The following ULK4 variants were observed in gnomAD, a reference collection of about 807,000 sequenced individuals.
ULK4 encodes inactive serine/threonine-protein kinase ULK4.
Under a neutral mutation model 160.6 loss-of-function variants are expected in ULK4, and 133 were observed. The ratio of observed to expected loss-of-function variants is 0.83; its 90% CI spans 0.72 to 0.96. ULK4 has a LOEUF of 0.96. Among genes scored for constraint, ULK4 ranks in the 40% least tolerant of loss-of-function variants. The pLI is 0.00. For missense variants in ULK4, 1,580 were observed against 1,499.5 expected, an observed-to-expected ratio of 1.05 and a Z score of -0.89; for synonymous variants, 534 against 539.8, an observed-to-expected ratio of 0.99 and a Z score of 0.15.
chr3:41,694,724 T>C (rs1443299938), intron 27 of ULK4, among the ~76,000 whole-genome samples: 1 of 152,264 alleles, frequency 6.6e-6, no homozygotes. Context: ...TAATATCTAA[T>C]GCAATGTAAG....
chr3:41,823,069 TGA>T (rs2041202477), intron 18 of ULK4, among the ~76,000 whole-genome samples: 1 of 149,960 alleles, frequency 6.7e-6, no homozygotes, highest in South Asian at 2.1e-4. Flanking sequence ...GTCAAGATAA[TGA>T]TGAGTGCTAT....
chr3:41,613,328 G>T lies in ULK4; in HGVS notation c.3120+2341C>A, dbSNP rs564279103. Among the ~76,000 whole-genome samples the T allele has an allele frequency of 2.0e-5, 3 of 152,064 alleles. No individual in the cohort carries two copies. The East Asian group carries it at 5.8e-4, about 29-fold the overall frequency. Reference sequence around the variant, plus strand: ...TTAGAATTTTTATCTTCTTTTTATTGAAAGAGCTCTTTTAGACTTATTCAG... The same window carrying T: ...TTAGAATTTTTATCTTCTTTTTATTTAAAGAGCTCTTTTAGACTTATTCAG... On this transcript the variant is annotated intron_variant, in intron 31 of 36. Coordinates refer to ENST00000301831, the MANE Select transcript of ULK4 (RefSeq NM_017886.4).
Position 41,602,649 on chromosome 3 carries a change from C to T in ULK4, c.3120+13020G>A, listed in dbSNP as rs562280032. 2.2e-4 allele frequency among the ~76,000 whole-genome samples: 34 copies of T among 152,132 alleles called. 1 individual carries two copies. In the East Asian group the frequency reaches 6.4e-3, roughly 28 times the overall value. ...TTATATAAAAATTTTTAATAGCAGTCCAAGGACTATAATCTCCTAAAAATG... is the reference window on the plus strand; with the variant it reads ...TTATATAAAAATTTTTAATAGCAGTTCAAGGACTATAATCTCCTAAAAATG... On this transcript the variant is annotated intron_variant, in intron 31 of 36. Coordinates refer to ENST00000301831, the MANE Select transcript of ULK4 (RefSeq NM_017886.4).
chr3:41,645,307 C>A (rs1329746621), intron 30 of ULK4, among the ~76,000 whole-genome samples: 1 of 151,616 alleles, frequency 6.6e-6, no homozygotes, highest in Non-Finnish European at 1.5e-5. Context: ...TTGGATCTTT[C>A]CTGCTTTCTC....
intron 35 of ULK4, among the ~76,000 whole-genome samples, chr3:41,326,162 G>A (rs974723582): frequency 2.0e-5 from 3 of 152,124 alleles, no homozygotes; most frequent in African/African-American, 7.2e-5. Flanking sequence ...AGAACAGACT[G>A]CTCTGATCTT....
At chr3:41,625,148 G>A (rs2033439645) in intron 30 of ULK4, among the ~76,000 whole-genome samples, 2 of 152,064 alleles carry the variant, frequency 1.3e-5, no homozygotes, top group South Asian at 2.1e-4. Flanking sequence ...TAGTTTACTG[G>A]GTATTGACTA....
chr3:41,811,328 T>A (rs1489176563), intron 19 of ULK4, among the ~76,000 whole-genome samples: 1 of 152,146 alleles, frequency 6.6e-6, no homozygotes, highest in African/African-American at 2.4e-5. Flanking sequence ...GGACTATAGG[T>A]GTACACCCAG....
chr3:41,659,284 C>G lies in ULK4; in HGVS notation c.3071+4323G>C, dbSNP rs980534619. On this transcript the variant is annotated intron_variant, in intron 30 of 36. Coordinates refer to ENST00000301831, the MANE Select transcript of ULK4 (RefSeq NM_017886.4). ...CTGCATAGGAATATTCATGGCTGCA[C>G]TATTCATGACAGCAAAAATACGGAA... 2.0e-5 allele frequency among the ~76,000 whole-genome samples: 3 copies of G among 152,276 alleles called. No individual in the cohort carries two copies. In the South Asian group the frequency reaches 6.2e-4, roughly 32 times the overall value.
chr3:41,952,903 G>C (rs908021914), intron 2 of ULK4, among the ~76,000 whole-genome samples: 43 of 152,228 alleles, frequency 2.8e-4, no homozygotes, highest in African/African-American at 1.0e-3. Context: ...TCTAACACAT[G>C]CTACAACGTG....
chr3:41,723,635 C>A (rs1033748957), intron 22 of ULK4, among the ~76,000 whole-genome samples: 1 of 152,214 alleles, frequency 6.6e-6, no homozygotes, highest in Non-Finnish European at 1.5e-5. Context: ...ACATTACCTC[C>A]TCTGGCCAAT....
intron 29 of ULK4, among the ~76,000 whole-genome samples, chr3:41,671,968 A>G (rs1437474268): frequency 6.6e-6 from 1 of 152,190 alleles, no homozygotes; most frequent in East Asian, 1.9e-4. Flanking sequence ...CAACGGGTAC[A>G]TGAAAAAATG....
intron 9 of ULK4, among the ~76,000 whole-genome samples, 189 bp from the exon 10 acceptor site, chr3:41,911,848 T>C (rs1698798451): frequency 6.6e-6 from 1 of 152,188 alleles, no homozygotes; most frequent in Non-Finnish European, 1.5e-5. Context: ...TACGTCACTG[T>C]AGTCCCTCAA....
At chr3:41,680,484 T>C (rs553059898) in intron 29 of ULK4, among the ~76,000 whole-genome samples, 3 of 152,052 alleles carry the variant, frequency 2.0e-5, no homozygotes, top group African/African-American at 7.2e-5. Context: ...AAAAGGTACC[T>C]TCCTCAACCA....
At chr3:41,520,980 T>C (rs1036679702) in intron 32 of ULK4, among the ~76,000 whole-genome samples, 1 of 152,202 alleles carries the variant, frequency 6.6e-6, no homozygotes, top group East Asian at 1.9e-4. Context: ...AGATATGTGA[T>C]TTGCAAATAT....
At chr3:41,395,929 T>C (rs1451374399) in intron 35 of ULK4, among the ~76,000 whole-genome samples, 2 of 152,142 alleles carry the variant, frequency 1.3e-5, no homozygotes, top group Non-Finnish European at 2.9e-5. Context: ...AGGTCAGATA[T>C]TATAAAGAAG....
chr3:41,419,648 C>T (rs2082614230), intron 34 of ULK4, among the ~76,000 whole-genome samples: 1 of 152,206 alleles, frequency 6.6e-6, no homozygotes, highest in South Asian at 2.1e-4. Flanking sequence ...AAACTCAGGA[C>T]TGCTTTACTC....
chr3:41,508,988 G>C (rs1227959245), intron 32 of ULK4, among the ~76,000 whole-genome samples: 3 of 152,048 alleles, frequency 2.0e-5, no homozygotes, highest in African/African-American at 7.2e-5. Flanking sequence ...TGAATTGCCA[G>C]AAAAAGAACT....
chr3:41,806,657 C>T (rs1011828481), intron 19 of ULK4, among the ~76,000 whole-genome samples: 1 of 152,072 alleles, frequency 6.6e-6, no homozygotes, highest in Admixed American at 6.6e-5. Flanking sequence ...CTGCTTTGAA[C>T]ATGTCCCAGA....
rs73831309 is a variant in ULK4 at position 41,321,355 on chromosome 3, C to A, written c.3679-71781G>T. 5.4e-3 allele frequency among the ~76,000 whole-genome samples: 817 copies of A among 152,268 alleles called. 13 individuals are homozygous for A. Among genetic ancestry groups the A allele is most frequent in the African/African-American group, 0.019 (779 of 41,556 alleles). On this transcript the variant is annotated intron_variant, in intron 35 of 36. Transcript: ENST00000301831. ...CAACCCTACTGCAATGACTATAGTA[C>A]CCAGTGGCTGGATTGGTGTAGCAGG...
Sources: allele counts gnomAD v4.1 joint callset (sites outside exome capture counted in the v4.1 genomes callset), GRCh38; gene constraint gnomAD v4.1.1; transcripts MANE v1.5; gene names NCBI Gene and HGNC (gene_info 2026-07-23, HGNC 2026-07-21).